BCAS4: variants seen among roughly 807,000 people sequenced by gnomAD.
BCAS4 encodes the protein breast carcinoma-amplified sequence 4.
A neutral mutation model predicts 15.7 loss-of-function variants in BCAS4; 9 were observed. That is an observed-to-expected ratio of 0.57 (90% CI 0.34 to 1.00). BCAS4 has a LOEUF of 1.00. BCAS4 is among the 50% of genes least tolerant of loss of function. The pLI, the probability that BCAS4 is intolerant of heterozygous loss-of-function variation, is 0.02. For synonymous variants in BCAS4, 101 were observed against 99.5 expected (o/e 1.02, Z -0.09); for missense variants, 225 against 239.1 (o/e 0.94, Z 0.39).
chr20:50,838,591 TC>T (rs2088438474), intron 3 of BCAS4, among the ~76,000 whole-genome samples: 1 of 152,112 alleles, frequency 6.6e-6, no homozygotes. Context: ...ACACCTGTAA[TC>T]CCAGCAGTTT....
In BCAS4 at chr20:50,806,728, AGT is replaced by A. The variant is rs1259526373; in HGVS notation, c.91-11482_91-11481del. ...TATTTTTTAATTTTTGGGGGTATAT[AGT>A]AGGTATATATATTCAGGGGGTACAT... is the stretch of plus-strand genomic sequence containing the variant. On this transcript the variant is annotated intron_variant, in intron 1 of 4. Transcript: ENST00000371608. Among the ~76,000 whole-genome samples the A allele has an allele frequency of 7.9e-3, 1,205 of 151,754 alleles. 15 individuals are homozygous for A. The highest frequency in any genetic ancestry group is 0.028 in the African/African-American group (1,165 of 41,348).
intron 1 of BCAS4, among the ~76,000 whole-genome samples, chr20:50,808,826 A>C (rs1234817409): frequency 3.3e-5 from 5 of 152,286 alleles, no homozygotes; most frequent in African/African-American, 1.2e-4. Context: ...GCTGTGCAGA[A>C]GCTTTTTAGT....
chr20:50,835,195 G>C (rs1414783802), intron 3 of BCAS4, among the ~76,000 whole-genome samples: 1 of 150,608 alleles, frequency 6.6e-6, no homozygotes, highest in Non-Finnish European at 1.5e-5. Flanking sequence ...GTTTCAAACA[G>C]TTTTCCAAAG....
intron 1 of BCAS4, among the ~76,000 whole-genome samples, chr20:50,799,938 T>G (rs982092249): frequency 6.6e-6 from 1 of 152,052 alleles, no homozygotes. Flanking sequence ...TCCCAGCTAC[T>G]AGAGAGGCCG....
intron 1 of BCAS4, among the ~76,000 whole-genome samples, chr20:50,807,291 C>T (rs2088002848): frequency 6.6e-6 from 1 of 152,162 alleles, no homozygotes; most frequent in East Asian, 1.9e-4. Context: ...CTTCCTGGCT[C>T]AAGCGATCCT....
chr20:50,829,882 G>A (rs763809298), intron 2 of BCAS4, among the ~76,000 whole-genome samples: 4 of 152,098 alleles, frequency 2.6e-5, no homozygotes, highest in Admixed American at 6.6e-5. Flanking sequence ...AATATTATTC[G>A]TAATGATCAA....
chr20:50,825,751 C>T (rs1178369032), intron 2 of BCAS4, among the ~76,000 whole-genome samples: 2 of 152,104 alleles, frequency 1.3e-5, no homozygotes, highest in Admixed American at 1.3e-4. Context: ...GTGGCAGGTG[C>T]TTGTAATCCC....
At chr20:50,873,441 CTT>C (rs1479175834) in intron 4 of BCAS4, among the ~76,000 whole-genome samples, 1 of 152,210 alleles carries the variant, frequency 6.6e-6, no homozygotes, top group Non-Finnish European at 1.5e-5. Flanking sequence ...ACAGAACACT[CTT>C]TGGCCCCTAG....
At chr20:50,870,616 G>A (rs992287609) in intron 4 of BCAS4, among the ~76,000 whole-genome samples, 1 of 152,268 alleles carries the variant, frequency 6.6e-6, no homozygotes, top group Non-Finnish European at 1.5e-5. Flanking sequence ...TCAGCCATGA[G>A]GGACTGTGGG....
At chr20:50,812,102 A>T (rs138147979) in intron 1 of BCAS4, among the ~76,000 whole-genome samples, 1 of 151,660 alleles carries the variant, frequency 6.6e-6, no homozygotes, top group Non-Finnish European at 1.5e-5. Flanking sequence ...TTCATTCATC[A>T]CTTAATGGAT....
intron 1 of BCAS4, among the ~76,000 whole-genome samples, chr20:50,800,475 T>C (rs894972144): frequency 6.6e-6 from 1 of 151,720 alleles, no homozygotes; most frequent in Non-Finnish European, 1.5e-5. Context: ...TTGAGCTGGG[T>C]TGGCAGGTGA....
At chr20:50,853,309 T>A (rs902931680) in intron 4 of BCAS4, among the ~76,000 whole-genome samples, 14 of 151,886 alleles carry the variant, frequency 9.2e-5, no homozygotes, top group African/African-American at 3.1e-4. Context: ...CATGCCCAGC[T>A]AATTTTTGTA....
rs577452752 is a variant in BCAS4, at chr20:50,808,263, C to G, written c.91-9948C>G. On this transcript the variant is annotated intron_variant, in intron 1 of 4. Coordinates refer to ENST00000371608, the MANE Select transcript of BCAS4 (RefSeq NM_198799.4). ...TGATTGATAGGCATTTGGGCTGGTT[C>G]CATATTTTTGCAATTGCTAATTGTG... is the stretch of plus-strand genomic sequence containing the variant. Among the ~76,000 whole-genome samples, 8 of 152,256 alleles carry G rather than the reference C, an allele frequency of 5.3e-5. No individual in the cohort carries two copies. In the South Asian group the frequency reaches 1.7e-3, roughly 32 times the overall value.
chr20:50,874,917 G>C (rs1979845233), intron 4 of BCAS4, among the ~76,000 whole-genome samples: 1 of 152,214 alleles, frequency 6.6e-6, no homozygotes, highest in South Asian at 2.1e-4. Context: ...AGACGAGACA[G>C]TGCAGGGAGC....
chr20:50,868,189 C>T (rs971449407), intron 4 of BCAS4, among the ~76,000 whole-genome samples: 9 of 152,272 alleles, frequency 5.9e-5, no homozygotes, highest in Non-Finnish European at 1.0e-4. Context: ...TGCTGCTGGA[C>T]GTGGGTCACC....
intron 1 of BCAS4, among the ~76,000 whole-genome samples, chr20:50,801,384 G>A (rs931376686): frequency 6.6e-6 from 1 of 152,104 alleles, no homozygotes; most frequent in African/African-American, 2.4e-5. Context: ...CCGAGATTGT[G>A]CCACTGCACT....
In BCAS4 at chr20:50,830,343, A is replaced by G; in HGVS notation, c.227A>G (p.Glu76Gly). 1 of 1,613,960 alleles carries G rather than the reference A, an allele frequency of 6.2e-7. No individual in the cohort carries two copies. The highest frequency in any genetic ancestry group is 8.5e-7 in the Non-Finnish European group (1 of 1,179,948). ...NIPVLKAKLT[E>G]MRGIYAKVDR... ...CCAGTCCTTAAGGCCAAACTGACAG[A>G]AATGCGTGGCATCTATGCCAAAGTG... Residue 76 changes from glutamate to glycine, a missense_variant, in exon 3 of 5, where the codon GAA becomes GGA. By Grantham distance (98) the Glu-to-Gly change is moderately conservative (BLOSUM62 -2). Transcript: ENST00000371608.
chr20:50,802,529 T>C (rs2087940130), intron 1 of BCAS4, among the ~76,000 whole-genome samples: 1 of 152,194 alleles, frequency 6.6e-6, no homozygotes, highest in South Asian at 2.1e-4. Flanking sequence ...GAGCCTTGGA[T>C]GAAGGTCTCC....
intron 4 of BCAS4, among the ~76,000 whole-genome samples, chr20:50,866,553 A>G (rs918751602): frequency 9.9e-5 from 15 of 152,238 alleles, no homozygotes; most frequent in African/African-American, 3.4e-4. Flanking sequence ...ACTGTTGGCA[A>G]TGAACTCATT....
Sources: gnomAD v4.1 joint callset for allele counts (sites outside exome capture counted in the v4.1 genomes callset) on GRCh38, gnomAD v4.1.1 for gene constraint, MANE v1.5 for transcripts, NCBI Gene and HGNC (gene_info 2026-07-23, HGNC 2026-07-21) for gene names.